The following RANBP10 variants were observed in gnomAD, a reference collection of about 807,000 sequenced individuals.
RANBP10 encodes the protein ran-binding protein 10.
A neutral mutation model predicts 72.8 loss-of-function variants in RANBP10; 24 were observed. The ratio of observed to expected loss-of-function variants is 0.33; its 90% confidence interval spans 0.24 to 0.46. The LOEUF (loss-of-function observed/expected upper bound fraction) is 0.46, where lower values mean the gene tolerates loss of function less well. RANBP10 is among the 20% of genes least tolerant of loss of function. The probability of loss-of-function intolerance (pLI) is 1.00; values close to 1 mark genes in which losing one functional copy is unlikely to be tolerated. For synonymous variants in RANBP10, 310 were observed against 322.3 expected, an observed-to-expected ratio of 0.96 and a Z score of 0.41; for missense variants, 679 against 817.5, an observed-to-expected ratio of 0.83 and a Z score of 2.07.
At chr16:67,769,531 G>A (rs1278625409) in intron 3 of RANBP10, among the ~76,000 whole-genome samples, 3 of 150,030 alleles carry the variant, frequency 2.0e-5, no homozygotes, top group Non-Finnish European at 4.4e-5. Context: ...GGACCACGAG[G>A]TTAAGAGATC....
intron 3 of RANBP10, among the ~76,000 whole-genome samples, chr16:67,747,142 C>T (rs1356111792): frequency 6.6e-6 from 1 of 152,162 alleles, no homozygotes; most frequent in Non-Finnish European, 1.5e-5. Context: ...ATTTTGCATT[C>T]CAACCAGCAA....
chr16:67,744,599 T>C (rs1310849290), intron 3 of RANBP10, 144 bp from the exon 4 acceptor site: 27 of 852,244 alleles, frequency 3.2e-5, no homozygotes, highest in Non-Finnish European at 4.3e-5. Flanking sequence ...GAGCCACCAA[T>C]AGACAGAGTC....
chr16:67,736,405 C>T (rs1313829123), intron 5 of RANBP10, among the ~76,000 whole-genome samples: 2 of 152,198 alleles, frequency 1.3e-5, no homozygotes, highest in Non-Finnish European at 2.9e-5. Flanking sequence ...AGGTGATCTG[C>T]CCACCTCAGC....
intron 2 of RANBP10, among the ~76,000 whole-genome samples, chr16:67,785,229 TAAAA>T (rs1049487670): frequency 7.3e-6 from 1 of 136,712 alleles, no homozygotes; most frequent in African/African-American, 2.7e-5. Context: ...AATAAATAAA[TAAAA>T]AAGAAAGAAA....
At chr16:67,760,926 C>T (rs1201479627) in intron 3 of RANBP10, among the ~76,000 whole-genome samples, 2 of 152,160 alleles carry the variant, frequency 1.3e-5, no homozygotes, top group East Asian at 1.9e-4. Context: ...AAGTGCCAAG[C>T]CTGGGAGACG....
At chr16:67,801,749 G>A (rs1004251234) in intron 2 of RANBP10, among the ~76,000 whole-genome samples, 3 of 151,868 alleles carry the variant, frequency 2.0e-5, no homozygotes, top group Non-Finnish European at 4.4e-5. Flanking sequence ...GAGGCTAGGA[G>A]TTGGAGACCA....
At position 67,734,914 on chromosome 16, in the gene RANBP10, C is replaced by G; in HGVS notation, c.720G>C (p.Thr240=). The G allele has an allele frequency of 6.2e-7, 1 of 1,613,256 alleles. No homozygotes were observed. Among genetic ancestry groups the G allele is most frequent in the Non-Finnish European group, 8.5e-7 (1 of 1,179,562 alleles). ...GGGCACTGATGGGGAAGCAGTGGAC[C>G]GTGCCCTGGACCTTGGCACGCCACT... ...MREWRAKVQG[T]VHCFPISARL... The change falls in exon 6 of 14, where the codon ACG becomes ACC. Residue 240 remains threonine (T), a synonymous_variant. Coordinates refer to ENST00000317506, the MANE Select transcript of RANBP10 (RefSeq NM_020850.3).
At chr16:67,760,984 T>C (rs2054385334) in intron 3 of RANBP10, among the ~76,000 whole-genome samples, 1 of 152,184 alleles carries the variant, frequency 6.6e-6, no homozygotes, top group Non-Finnish European at 1.5e-5. Flanking sequence ...GTCTTCTTGC[T>C]TCCCCAGTCC....
intron 2 of RANBP10, among the ~76,000 whole-genome samples, chr16:67,777,697 C>T (rs2054731716): frequency 6.6e-6 from 1 of 152,140 alleles, no homozygotes; most frequent in South Asian, 2.1e-4. Context: ...CAATACTACC[C>T]AAAGTGATAT....
chr16:67,805,887 A>T (rs1005958965), intron 1 of RANBP10, among the ~76,000 whole-genome samples: 1 of 152,178 alleles, frequency 6.6e-6, no homozygotes, highest in Non-Finnish European at 1.5e-5. Context: ...GACACCCCCC[A>T]AACTCTAGCA....
chr16:67,752,427 C>T (rs959538263), intron 3 of RANBP10, among the ~76,000 whole-genome samples: 2 of 152,136 alleles, frequency 1.3e-5, no homozygotes, highest in African/African-American at 4.8e-5. Flanking sequence ...CCAGAAAGAA[C>T]GCAGCCCTGC....
In RANBP10 at chr16:67,735,012, T is replaced by C. The variant is rs540100156; in HGVS notation, c.622A>G (p.Thr208Ala). 1 of 1,610,776 alleles carries C rather than the reference T, an allele frequency of 6.2e-7. No homozygotes were observed. Among genetic ancestry groups the C allele is most frequent in the East Asian group, 2.2e-5 (1 of 44,786 alleles). ...ANLYPTVGLQ[T>A]PGEIVDANFG... is the part of the protein sequence containing the mutation. ...TTGGCGTCCACAATCTCCCCAGGTG[T>C]CTGCAGGCCTACGGTGGGGTAGAGG... The change falls in exon 6 of 14, where the codon ACA (threonine) becomes GCA (alanine). Residue 208 changes from threonine to alanine, a missense_variant. By Grantham distance (58) the Thr-to-Ala change is moderately conservative. Coordinates refer to ENST00000317506, the MANE Select transcript of RANBP10 (RefSeq NM_020850.3).
chr16:67,756,240 C>G (rs528499223), intron 3 of RANBP10, among the ~76,000 whole-genome samples: 4 of 152,352 alleles, frequency 2.6e-5, no homozygotes, highest in Admixed American at 2.6e-4. Flanking sequence ...TCTGCCAGGG[C>G]AGATCCAAGG....
At chr16:67,770,198 TC>T (rs1374489898) in intron 3 of RANBP10, among the ~76,000 whole-genome samples, 7 of 152,098 alleles carry the variant, frequency 4.6e-5, no homozygotes, top group Non-Finnish European at 1.0e-4. Flanking sequence ...AAATTATTTT[TC>T]CTGTACATTA....
rs1352806971 is a variant in RANBP10, at chr16:67,750,765, T to C, written c.401-6310A>G. 2.1e-5 allele frequency among the ~76,000 whole-genome samples: 3 copies of C among 143,284 alleles called. No individual in the cohort carries two copies. The East Asian group carries it at 5.9e-4, about 28-fold the overall frequency. The allele number at this position is 143,284 out of a possible 152,430, so 94.0% of individuals were successfully genotyped here. On this transcript the variant is annotated intron_variant, in intron 3 of 13. Coordinates refer to ENST00000317506, the MANE Select transcript of RANBP10 (RefSeq NM_020850.3). ...AAGGTTTCCTTTTTTCACTTTCTTTTTTTTTTTTTTTTTTTTTTTGAGACG... is the reference window on the plus strand; with the variant it reads ...AAGGTTTCCTTTTTTCACTTTCTTTCTTTTTTTTTTTTTTTTTTTGAGACG...
In RANBP10 at chr16:67,729,412, G is replaced by A. The variant is rs1397491753; in HGVS notation, c.1220C>T (p.Ala407Val). The change falls in exon 10 of 14, where the codon GCA becomes GTA. Residue 407 changes from alanine to valine, a missense_variant. By Grantham distance (64) the Ala-to-Val change is moderately conservative (BLOSUM62 0). Transcript: ENST00000317506. The surrounding 1 kb of genome is among the most constrained non-coding windows in gnomAD (Gnocchi z 7.1). Reference sequence around the variant, plus strand: ...GGAGGACGAGGATGAGGAGCTGGGTGCAGGGTATTTACTGTGGTTCTGTTT... The same window carrying A: ...GGAGGACGAGGATGAGGAGCTGGGTACAGGGTATTTACTGTGGTTCTGTTT... ...KSKQNHSKYP[A>V]PSSSSSSSSS... 3 of 1,613,848 alleles carry A rather than the reference G, an allele frequency of 1.9e-6. No homozygotes were observed. Among genetic ancestry groups the A allele is most frequent in the South Asian group, 2.2e-5 (2 of 91,032 alleles).
intron 2 of RANBP10, among the ~76,000 whole-genome samples, chr16:67,785,793 C>G (rs755994806): frequency 1.3e-5 from 2 of 148,674 alleles, no homozygotes; most frequent in Non-Finnish European, 3.0e-5. Context: ...TTTGGGAAGC[C>G]AAGGTGGTGG....
chr16:67,731,625 C>T lies in RANBP10; in HGVS notation c.777-41G>A, dbSNP rs778368275. The T allele has an allele frequency of 1.4e-5, 21 of 1,470,696 alleles. No homozygotes were observed. The East Asian group carries it at 4.4e-4, about 30-fold the overall frequency. The allele number at this position is 1,470,696 out of a possible 1,614,324, so 91.1% of individuals were successfully genotyped here. A position where few individuals can be genotyped will look rare whatever the true frequency, so the allele number is the denominator to read the frequency against. On this transcript the variant is annotated intron_variant, in intron 6 of 13. Coordinates refer to ENST00000317506, the MANE Select transcript of RANBP10 (RefSeq NM_020850.3). ...AGCTTCAGGTGACACTCAAGAACTG[C>T]ACTTCTCACTGACTACCCAATGGAC...
chr16:67,753,013 G>A (rs1434430224), intron 3 of RANBP10, among the ~76,000 whole-genome samples: 1 of 152,146 alleles, frequency 6.6e-6, no homozygotes, highest in Admixed American at 6.6e-5. Context: ...GCCAAGGCAG[G>A]AGGATTGCTT....
Sources: gnomAD v4.1 joint callset for allele counts (sites outside exome capture counted in the v4.1 genomes callset) on GRCh38, gnomAD v4.1.1 for gene constraint, Gnocchi (gnomAD v3.1) non-coding constraint, MANE v1.5 for transcripts, NCBI Gene and HGNC (gene_info 2026-07-23, HGNC 2026-07-21) for gene names.